FAM210A: variants seen among roughly 807,000 people sequenced by gnomAD.
FAM210A encodes family with sequence similarity 210 member A.
FAM210A carries 13 observed loss-of-function variants against 25.3 expected under a neutral mutation model. The observed-to-expected ratio is 0.51, with a 90% CI of 0.33 to 0.82. The LOEUF (loss-of-function observed/expected upper bound fraction) is 0.82. Ranked by LOEUF, FAM210A falls within the 40% of genes least tolerant of loss-of-function variation. The pLI, the probability that FAM210A is intolerant of heterozygous loss-of-function variation, is 0.02. For synonymous variants in FAM210A, 125 were observed against 118.7 expected (o/e 1.05, Z -0.35); for missense variants, 319 against 323.2 (o/e 0.99, Z 0.10).
chr18:13,705,919 T>C (rs2043774924), intron 1 of FAM210A, among the ~76,000 whole-genome samples: 2 of 152,226 alleles, frequency 1.3e-5, no homozygotes, highest in South Asian at 2.1e-4. Context: ...CAATGCATGT[T>C]TTCTGGTTGT....
intron 1 of FAM210A, among the ~76,000 whole-genome samples, chr18:13,704,071 T>C (rs1235000809): frequency 6.6e-6 from 1 of 152,196 alleles, no homozygotes; most frequent in Non-Finnish European, 1.5e-5. Context: ...ATAGATGGTC[T>C]AAGTTGTGAA....
At chr18:13,694,735 T>G (rs1291163310) in intron 1 of FAM210A, among the ~76,000 whole-genome samples, 2 of 152,202 alleles carry the variant, frequency 1.3e-5, no homozygotes, top group East Asian at 3.8e-4. Flanking sequence ...ATTACAGACT[T>G]AAATGTTAGA....
At chr18:13,674,863 G>A (rs2043478220) in intron 2 of FAM210A, among the ~76,000 whole-genome samples, 1 of 149,748 alleles carries the variant, frequency 6.7e-6, no homozygotes, top group South Asian at 2.1e-4. Context: ...TTGATTTCCA[G>A]TTTCCTGATT....
At chr18:13,715,020 T>C (rs552652409) in intron 1 of FAM210A, 5 of 152,254 alleles carry the variant, frequency 3.3e-5, no homozygotes, top group Admixed American at 2.0e-4. Flanking sequence ...TATATATATA[T>C]GCACATGTCC....
At chr18:13,710,172 T>C (rs78380379) in intron 1 of FAM210A, 2 of 152,290 alleles carry the variant, frequency 1.3e-5, no homozygotes, top group East Asian at 3.9e-4. Flanking sequence ...TGATTAAATG[T>C]TGGCATAGTT....
chr18:13,718,465 A>G (rs1040370786), intron 1 of FAM210A, among the ~76,000 whole-genome samples: 1 of 152,136 alleles, frequency 6.6e-6, no homozygotes, highest in African/African-American at 2.4e-5. Flanking sequence ...TTTACAGATA[A>G]AGAATGCAAG....
chr18:13,689,696 G>A (rs188624998), intron 1 of FAM210A, among the ~76,000 whole-genome samples: 17 of 152,226 alleles, frequency 1.1e-4, no homozygotes, highest in East Asian at 7.7e-4. Context: ...AAAGTATACC[G>A]ATTGGAAAGG....
At chr18:13,719,613 T>C (rs184493441) in intron 1 of FAM210A, among the ~76,000 whole-genome samples, 59 of 152,224 alleles carry the variant, frequency 3.9e-4, no homozygotes, top group East Asian at 1.4e-3. Flanking sequence ...ACAGAGGTCA[T>C]AGACCACTGC....
At chr18:13,669,102 A>G (rs1327506100) in intron 3 of FAM210A, among the ~76,000 whole-genome samples, 1 of 152,176 alleles carries the variant, frequency 6.6e-6, no homozygotes, top group Non-Finnish European at 1.5e-5. Flanking sequence ...AGAAAACCCC[A>G]GCAACCACGT....
In FAM210A at chr18:13,698,078, C is replaced by T. The variant is rs187216561; in HGVS notation, c.-28-15973G>A. On this transcript the variant is annotated intron_variant, in intron 1 of 3. Coordinates refer to ENST00000651643, the MANE Select transcript of FAM210A (RefSeq NM_152352.4). Reference sequence around the variant, plus strand: ...GCTTAAGAATTAAGAACTGGCCGGGCGTGGTGGCTCACGCCTGTAATCCCA... The same window carrying T: ...GCTTAAGAATTAAGAACTGGCCGGGTGTGGTGGCTCACGCCTGTAATCCCA... Among the ~76,000 whole-genome samples, 74 of 152,160 alleles carry T rather than the reference C, an allele frequency of 4.9e-4. No individual in the cohort carries two copies. The East Asian group carries it at 0.013, about 26-fold the overall frequency.
At chr18:13,697,951 G>C (rs995365292) in intron 1 of FAM210A, among the ~76,000 whole-genome samples, 2 of 152,152 alleles carry the variant, frequency 1.3e-5, no homozygotes, top group African/African-American at 4.8e-5. Flanking sequence ...AGTCAAAGAA[G>C]CCAGCTTAAA....
At chr18:13,704,098 A>G (rs1315843204) in intron 1 of FAM210A, among the ~76,000 whole-genome samples, 1 of 152,224 alleles carries the variant, frequency 6.6e-6, no homozygotes, top group African/African-American at 2.4e-5. Flanking sequence ...TTATGCACCA[A>G]AAGTAAAAGC....
chr18:13,688,989 C>T (rs1283174013), intron 1 of FAM210A, among the ~76,000 whole-genome samples: 1 of 152,232 alleles, frequency 6.6e-6, no homozygotes, highest in African/African-American at 2.4e-5. Context: ...CATGCTCCCT[C>T]CCGTGAGGGG....
intron 1 of FAM210A, among the ~76,000 whole-genome samples, chr18:13,691,178 A>G (rs1972194210): frequency 6.6e-6 from 1 of 152,236 alleles, no homozygotes; most frequent in South Asian, 2.1e-4. Context: ...CAAATGAATG[A>G]AATGAAGCAA....
intron 1 of FAM210A, among the ~76,000 whole-genome samples, chr18:13,709,025 G>C (rs1415449376): frequency 2.0e-5 from 3 of 152,154 alleles, no homozygotes; most frequent in African/African-American, 7.2e-5. Context: ...CAGCATACAT[G>C]ATAGTACATC....
At chr18:13,686,516 T>C (rs948169206) in intron 1 of FAM210A, among the ~76,000 whole-genome samples, 25 of 152,220 alleles carry the variant, frequency 1.6e-4, no homozygotes, top group African/African-American at 5.8e-4. Context: ...CACTTACTTA[T>C]AACTGCTGCT....
intron 1 of FAM210A, among the ~76,000 whole-genome samples, chr18:13,720,675 G>A (rs1296354791): frequency 6.6e-6 from 1 of 152,132 alleles, no homozygotes; most frequent in Non-Finnish European, 1.5e-5. Flanking sequence ...ATGTTTTGTG[G>A]AAGGGAAGCA....
chr18:13,701,586 C>T (rs1032724810), intron 1 of FAM210A, among the ~76,000 whole-genome samples: 1 of 151,654 alleles, frequency 6.6e-6, no homozygotes, highest in Non-Finnish European at 1.5e-5. Flanking sequence ...ACATTTTAGG[C>T]AAAATAGGAT....
chr18:13,714,573 CT>C (rs2149069871), intron 1 of FAM210A, among the ~76,000 whole-genome samples: 1 of 151,118 alleles, frequency 6.6e-6, no homozygotes, highest in African/African-American at 2.5e-5. Context: ...AACTCAGTTG[CT>C]TCTGAAACTG....
Sources: allele counts gnomAD v4.1 joint callset (sites outside exome capture counted in the v4.1 genomes callset), GRCh38; gene constraint gnomAD v4.1.1; transcripts MANE v1.5; gene names NCBI Gene and HGNC (gene_info 2026-07-23, HGNC 2026-07-21).